The following PSME4 variants were observed in gnomAD, a reference collection of about 807,000 sequenced individuals.
PSME4 encodes proteasome activator subunit 4.
PSME4 carries 89 observed loss-of-function variants against 253.9 expected under a neutral mutation model. The observed-to-expected ratio is 0.35, with a 90% CI of 0.30 to 0.42. PSME4 has a LOEUF of 0.42. Among genes scored for constraint, PSME4 ranks in the 10% least tolerant of loss-of-function variants. The pLI, the probability that PSME4 is intolerant of heterozygous loss-of-function variation, is 1.00. For missense variants in PSME4, 2,014 were observed against 2,195.2 expected, an observed-to-expected ratio of 0.92 and a Z score of 1.65; for synonymous variants, 851 against 759.2, an observed-to-expected ratio of 1.12 and a Z score of -1.99.
chr2:53,952,325 G>A (rs996776331), intron 1 of PSME4, among the ~76,000 whole-genome samples: 3 of 152,212 alleles, frequency 2.0e-5, no homozygotes, highest in Non-Finnish European at 2.9e-5. Context: ...GACGGATCAC[G>A]AGGTCAAGAG....
At chr2:53,902,389 T>C (rs1680444605) in intron 27 of PSME4, among the ~76,000 whole-genome samples, 1 of 152,230 alleles carries the variant, frequency 6.6e-6, no homozygotes, top group African/African-American at 2.4e-5. Flanking sequence ...GCAGGTATCC[T>C]TTCTAAAGTG....
intron 30 of PSME4, 107 bp downstream of exon 30, chr2:53,898,194 C>T (rs1047108069): frequency 3.1e-5 from 39 of 1,238,182 alleles, no homozygotes; most frequent in Admixed American, 2.8e-4. Context: ...ATACACAAAC[C>T]GGAATATAAC....
chr2:53,923,913 C>CAAAAAAAAAAAAAAAA (rs199929436), intron 14 of PSME4, among the ~76,000 whole-genome samples: 3 of 96,876 alleles, frequency 3.1e-5, no homozygotes, highest in African/African-American at 4.5e-5. Context: ...ACAGAGTTAA[C>CAAAAAAAAAAAAAAAA]AAAAAAAAAA....
chr2:53,881,863 C>T (rs1474063569), intron 41 of PSME4, among the ~76,000 whole-genome samples: 1 of 152,010 alleles, frequency 6.6e-6, no homozygotes, highest in Non-Finnish European at 1.5e-5. Context: ...GGATTACAGG[C>T]GTGAGCCACT....
intron 27 of PSME4, 89 bp downstream of exon 27, chr2:53,903,936 A>G (rs1335860502): frequency 1.9e-6 from 2 of 1,048,322 alleles, no homozygotes; most frequent in Non-Finnish European, 2.8e-6. Context: ...CTCAGTGGTG[A>G]AGAAGATATG....
chr2:53,866,621 T>C, intron 45 of PSME4, 126 bp downstream of exon 45: 3 of 1,054,188 alleles, frequency 2.8e-6, no homozygotes, highest in Non-Finnish European at 4.0e-6. Context: ...GTGAGCAGAC[T>C]AAGCCTTGGC....
chr2:53,940,074 TATAAG>T (rs1553338147), intron 3 of PSME4, 74 bp from the exon 4 acceptor site: 4 of 1,146,834 alleles, frequency 3.5e-6, no homozygotes, highest in Non-Finnish European at 5.0e-6. Context: ...AATAAATATC[TATAAG>T]ATAACCTCAC....
intron 10 of PSME4, among the ~76,000 whole-genome samples, chr2:53,929,058 C>T (rs568921365): frequency 6.6e-5 from 10 of 152,004 alleles, no homozygotes; most frequent in African/African-American, 2.2e-4. Context: ...CCAAGCTACT[C>T]GGGTGGCTGA....
intron 20 of PSME4, among the ~76,000 whole-genome samples, chr2:53,914,355 G>A (rs10490473): frequency 0.06 from 9,104 of 152,212 alleles, 502 homozygotes; most frequent in East Asian, 0.29. Flanking sequence ...TATAAAGGTA[G>A]AATTATGAGT....
chr2:53,946,734 C>T (rs1558419338), intron 3 of PSME4, among the ~76,000 whole-genome samples: 1 of 151,970 alleles, frequency 6.6e-6, no homozygotes, highest in Non-Finnish European at 1.5e-5. Flanking sequence ...TGTGTAGAGA[C>T]CCTGTCTCTA....
rs1283691485 is a variant in PSME4, at chr2:53,887,239, T to TA, written c.4729+19dup. On this transcript the variant is annotated intron_variant, in intron 40 of 46. Coordinates refer to ENST00000404125, the MANE Select transcript of PSME4 (RefSeq NM_014614.3). ...AAATAGATGTTTTCAACTGAGTTTC[T>TA]ACTAATTTTATCCACTCACTGGTTT... 3 of 1,586,468 alleles carry TA rather than the reference T, an allele frequency of 1.9e-6. No individual in the cohort carries two copies. In the African/African-American group the frequency reaches 4.0e-5, roughly 21 times the overall value.
At chr2:53,956,974 T>A (rs1024728281) in intron 1 of PSME4, among the ~76,000 whole-genome samples, 4 of 152,090 alleles carry the variant, frequency 2.6e-5, no homozygotes, top group Non-Finnish European at 5.9e-5. Context: ...AACTGATATG[T>A]TTAAAACCAT....
chr2:53,925,877 G>T, intron 13 of PSME4, 82 bp downstream of exon 13: 1 of 1,423,104 alleles, frequency 7.0e-7, no homozygotes, highest in Non-Finnish European at 9.9e-7. Context: ...AGGTTATAAT[G>T]CAGAAATAAA....
intron 41 of PSME4, 135 bp from the exon 42 acceptor site, chr2:53,875,890 G>T (rs1679092605): frequency 2.7e-6 from 2 of 745,574 alleles, no homozygotes; most frequent in African/African-American, 1.8e-5. Context: ...CTAGAGAATA[G>T]CATAATGAAC....
At chr2:53,869,663 C>A in intron 43 of PSME4, 125 bp from the exon 44 acceptor site, 2 of 681,588 alleles carry the variant, frequency 2.9e-6, no homozygotes, top group Non-Finnish European at 4.5e-6. Context: ...TTTGTGTATG[C>A]TCTTTGGCAG....
intron 21 of PSME4, among the ~76,000 whole-genome samples, chr2:53,909,778 A>G (rs896148374): frequency 9.9e-5 from 15 of 152,152 alleles, no homozygotes; most frequent in African/African-American, 3.6e-4. Context: ...CCTGGCCACC[A>G]CGGTGAAACT....
In PSME4 at chr2:53,910,136, T is replaced by TAAA. The variant is rs779938099; in HGVS notation, c.2517-9_2517-7dup. ...AGGACACCATACTTGGTACTCTGTA[T>TAAA]AAAAACAAGAGTGCTTGCATTTATT... On this transcript the variant is annotated splice_polypyrimidine_tract_variant and splice_region_variant and intron_variant, in intron 20 of 46. Transcript: ENST00000404125. 3 of 1,603,606 alleles carry TAAA rather than the reference T, an allele frequency of 1.9e-6. No homozygotes were observed. The highest frequency in any genetic ancestry group is 2.6e-6 in the Non-Finnish European group (3 of 1,170,470).
chr2:53,884,374 C>G (rs1294801919), intron 41 of PSME4, among the ~76,000 whole-genome samples: 5 of 152,242 alleles, frequency 3.3e-5, no homozygotes, highest in African/African-American at 1.2e-4. Context: ...CCATGCCCAG[C>G]TAATTTTTGT....
chr2:53,897,002 C>G (rs888911667), intron 31 of PSME4, 117 bp from the exon 32 acceptor site: 14 of 736,126 alleles, frequency 1.9e-5, no homozygotes, highest in South Asian at 1.6e-4. Flanking sequence ...CCTCGCCTAT[C>G]GACATCTGGC....
Sources: gnomAD v4.1 joint callset for allele counts (sites outside exome capture counted in the v4.1 genomes callset) on GRCh38, gnomAD v4.1.1 for gene constraint, MANE v1.5 for transcripts, NCBI Gene and HGNC (gene_info 2026-07-23, HGNC 2026-07-21) for gene names.